Variants in ECHDC1 observed in about 807,000 individuals in gnomAD.
ECHDC1 encodes ethylmalonyl-CoA decarboxylase 1.
ECHDC1 carries 29 observed loss-of-function variants against 29.7 expected under a neutral mutation model. That is an observed-to-expected ratio of 0.98 (90% CI 0.73 to 1.33). The LOEUF is 1.33. Among genes scored for constraint, ECHDC1 ranks in the 40% most tolerant of loss-of-function variants. The pLI, the probability that ECHDC1 is intolerant of heterozygous loss-of-function variation, is 0.00. For synonymous variants in ECHDC1, 126 were observed against 123.1 expected, an observed-to-expected ratio of 1.02 and a Z score of -0.15; for missense variants, 328 against 350.0, an observed-to-expected ratio of 0.94 and a Z score of 0.50.
intron 3 of ECHDC1, among the ~76,000 whole-genome samples, chr6:127,319,241 T>G (rs1782642422): frequency 6.6e-6 from 1 of 152,234 alleles, no homozygotes; most frequent in Non-Finnish European, 1.5e-5. Flanking sequence ...TCTAGCACTT[T>G]CTAATTAGTT....
At chr6:127,334,493 G>A (rs1358604085) in intron 1 of ECHDC1, among the ~76,000 whole-genome samples, 1 of 152,106 alleles carries the variant, frequency 6.6e-6, no homozygotes, top group Non-Finnish European at 1.5e-5. Flanking sequence ...GTTCTTTAGA[G>A]TAATGTGGAT....
intron 5 of ECHDC1, among the ~76,000 whole-genome samples, chr6:127,311,616 G>A (rs1781908386): frequency 7.2e-6 from 1 of 138,540 alleles, no homozygotes; most frequent in Non-Finnish European, 1.5e-5. Flanking sequence ...GGAGGTTGCA[G>A]TGAGCTGAGA....
chr6:127,289,784 C>A lies in ECHDC1; in HGVS notation c.*85G>T. On this transcript the variant is annotated 3_prime_UTR_variant, in exon 6 of 6. Transcript: ENST00000454859. ...ATTAATAGTAGCCTTCAAAGTAATT[C>A]TGATGTTCATATTTAATATCATTTA... 7.6e-7 allele frequency: 1 copy of A among 1,314,472 alleles called. No homozygotes were observed. Among genetic ancestry groups the A allele is most frequent in the Non-Finnish European group, 1.0e-6 (1 of 967,258 alleles). 81.4% of individuals were successfully genotyped at this position (1,314,472 alleles called of 1,614,324 possible). A position where few individuals can be genotyped will look rare whatever the true frequency, so the allele number is the denominator to read the frequency against.
At chr6:127,298,459 A>C (rs1236398150) in intron 5 of ECHDC1, among the ~76,000 whole-genome samples, 1 of 152,176 alleles carries the variant, frequency 6.6e-6, no homozygotes, top group Non-Finnish European at 1.5e-5. Context: ...AAGTAGAATC[A>C]AGGAATGAGT....
chr6:127,318,009 T>G (rs1782539291), intron 3 of ECHDC1: 1 of 152,176 alleles, frequency 6.6e-6, no homozygotes, highest in Non-Finnish European at 1.5e-5. Flanking sequence ...CTGTATTTAA[T>G]TTCTTTTTCC....
rs1212679881 is a variant in ECHDC1 at position 127,330,874 on chromosome 6, T to G, written c.155A>C (p.Gln52Pro). 1 of 1,614,162 alleles carries G rather than the reference T, an allele frequency of 6.2e-7. No individual in the cohort carries two copies. Among genetic ancestry groups the G allele is most frequent in the African/African-American group, 1.3e-5 (1 of 75,064 alleles). ...AATGCCAATGCCATTGTCTTCCTTC[T>G]GAAGGTCAATGGATCCACCAGGAAA... ...QQFPGGSIDLQKEDNGIGILT... is the reference protein window; with the variant it reads ...QQFPGGSIDLPKEDNGIGILT... Residue 52 changes from glutamine to proline, a missense_variant, in exon 2 of 6, where the codon CAG becomes CCG. Coordinates refer to ENST00000454859, the MANE Select transcript of ECHDC1 (RefSeq NM_001002030.2).
At chr6:127,296,816 GCAA>G (rs1300494969) in intron 5 of ECHDC1, among the ~76,000 whole-genome samples, 3 of 151,944 alleles carry the variant, frequency 2.0e-5, no homozygotes, top group Non-Finnish European at 4.4e-5. Context: ...ACCAGCCTGG[GCAA>G]CATGACAAAA....
chr6:127,338,205 T>C (rs1784598283), intron 1 of ECHDC1, among the ~76,000 whole-genome samples: 1 of 152,206 alleles, frequency 6.6e-6, no homozygotes, highest in Non-Finnish European at 1.5e-5. Context: ...ATTCAATGGC[T>C]ATTTACTGAA....
chr6:127,315,132 T>A, intron 4 of ECHDC1: 1 of 653,830 alleles, frequency 1.5e-6, no homozygotes, highest in Non-Finnish European at 2.8e-6. Context: ...TTCATTAAAA[T>A]ACCTCCCTGA....
intron 5 of ECHDC1, among the ~76,000 whole-genome samples, chr6:127,303,046 C>CA (rs1189286940): frequency 6.6e-6 from 1 of 151,524 alleles, no homozygotes; most frequent in African/African-American, 2.4e-5. Flanking sequence ...TCTTATATAC[C>CA]AAAAAAACTA....
intron 1 of ECHDC1, chr6:127,331,956 TC>T (rs1783997088): frequency 2.5e-6 from 2 of 789,146 alleles, no homozygotes; most frequent in South Asian, 1.2e-4. Flanking sequence ...AATTTTTACC[TC>T]CTGAGTAATC....
intron 3 of ECHDC1, among the ~76,000 whole-genome samples, chr6:127,321,871 C>T (rs1393499550): frequency 6.6e-6 from 1 of 151,854 alleles, no homozygotes; most frequent in Non-Finnish European, 1.5e-5. Context: ...GGTGTGGTGG[C>T]GGGTGTCTGT....
At chr6:127,322,099 A>G (rs756852553) in intron 3 of ECHDC1, among the ~76,000 whole-genome samples, 2 of 152,128 alleles carry the variant, frequency 1.3e-5, no homozygotes, top group African/African-American at 2.4e-5. Context: ...TGAGGTCAGG[A>G]GTTTGAGACC....
At chr6:127,312,121 T>G (rs1781994155) in intron 5 of ECHDC1, among the ~76,000 whole-genome samples, 1 of 152,066 alleles carries the variant, frequency 6.6e-6, no homozygotes, top group Non-Finnish European at 1.5e-5. Flanking sequence ...ATAATAGTAT[T>G]TAGTATTAAA....
At position 127,304,099 on chromosome 6, in the gene ECHDC1, C is replaced by A. The variant is rs556402085; in HGVS notation, c.497+10717G>T. On this transcript the variant is annotated intron_variant, in intron 5 of 5. Transcript: ENST00000454859. ...GGAAGGCCTTGGGCAAGACCCAGTG[C>A]TGTGTTAGCTTCAGATGTGACCCAG... Among the ~76,000 whole-genome samples, 24 of 152,322 alleles carry A rather than the reference C, an allele frequency of 1.6e-4. 1 individual carries two copies. Among genetic ancestry groups the A allele is most frequent in the African/African-American group, 5.8e-4 (24 of 41,576 alleles).
At chr6:127,325,297 T>C (rs545215445) in intron 3 of ECHDC1, among the ~76,000 whole-genome samples, 62 of 152,208 alleles carry the variant, frequency 4.1e-4, no homozygotes, top group East Asian at 1.5e-3. Flanking sequence ...GAAACTATCA[T>C]AGGTAAGAGG....
At chr6:127,307,454 G>A (rs1582950934) in intron 5 of ECHDC1, among the ~76,000 whole-genome samples, 1 of 151,454 alleles carries the variant, frequency 6.6e-6, no homozygotes, top group Non-Finnish European at 1.5e-5. Context: ...CATGGTGAAA[G>A]CCCATCTCTA....
At chr6:127,309,463 C>T (rs2114601049) in intron 5 of ECHDC1, among the ~76,000 whole-genome samples, 1 of 136,610 alleles carries the variant, frequency 7.3e-6, no homozygotes, top group Non-Finnish European at 1.6e-5. Flanking sequence ...AGAAAAAACC[C>T]AGAAAACAAA....
chr6:127,297,292 A>C (rs1338488911), intron 5 of ECHDC1, among the ~76,000 whole-genome samples: 2 of 152,260 alleles, frequency 1.3e-5, no homozygotes. Context: ...TATTACTAAA[A>C]AGTATAGATA....
Sources: gnomAD v4.1 joint callset for allele counts (sites outside exome capture counted in the v4.1 genomes callset) on GRCh38, gnomAD v4.1.1 for gene constraint, MANE v1.5 for transcripts, NCBI Gene and HGNC (gene_info 2026-07-23, HGNC 2026-07-21) for gene names.